The following MRPL3 variants were observed in gnomAD, a reference collection of about 807,000 sequenced individuals.
MRPL3 encodes the protein mitochondrial ribosomal protein L3.
A neutral mutation model predicts 44.3 loss-of-function variants in MRPL3; 43 were observed. That is an observed-to-expected ratio of 0.97 (90% confidence interval 0.76 to 1.25). MRPL3 has a LOEUF of 1.25. Ranked by LOEUF, MRPL3 falls within the 50% of genes most tolerant of loss-of-function variation. MRPL3 has a pLI of 0.00. For missense variants in MRPL3, 406 were observed against 427.6 expected (o/e 0.95, Z 0.45); for synonymous variants, 171 against 152.3 (o/e 1.12, Z -0.91).
intron 4 of MRPL3, among the ~76,000 whole-genome samples, chr3:131,493,764 C>T (rs1437676307): frequency 3.9e-5 from 6 of 152,032 alleles, no homozygotes; most frequent in Admixed American, 2.0e-4. Context: ...GCTCTGAGGA[C>T]GAACAAATCA....
At chr3:131,492,356 C>T (rs1020324051) in intron 4 of MRPL3, among the ~76,000 whole-genome samples, 5 of 152,064 alleles carry the variant, frequency 3.3e-5, no homozygotes, top group African/African-American at 9.7e-5. Flanking sequence ...GTTTCTATGT[C>T]AGCAGTACCC....
chr3:131,462,807 A>G lies in MRPL3; in HGVS notation c.963T>C (p.Pro321=). ...GKNLPFPTYF[P]DGDEEELPED... is the part of the protein sequence containing the mutation. ...CTGGCAGTTCCTCTTCATCTCCATCAGGAAAATATGTAGGGAATGGTAGAT... is the reference window on the plus strand; with the variant it reads ...CTGGCAGTTCCTCTTCATCTCCATCGGGAAAATATGTAGGGAATGGTAGAT... The change falls in exon 10 of 10, where the codon CCT becomes CCC. Residue 321 remains proline (P), a synonymous_variant. Transcript: ENST00000264995. 1 of 1,613,218 alleles carries G rather than the reference A, an allele frequency of 6.2e-7. No homozygotes were observed. The highest frequency in any genetic ancestry group is 2.2e-5 in the East Asian group (1 of 44,840).
rs541249976 is a variant in MRPL3 at position 131,464,932 on chromosome 3, C to A, written c.895-2057G>T. Among the ~76,000 whole-genome samples the A allele has an allele frequency of 2.0e-5, 3 of 152,276 alleles. No individual in the cohort carries two copies. In the East Asian group the frequency reaches 5.8e-4, roughly 29 times the overall value. ...CAAGGAAGGACTAATTTACCTGCTACGGAGTCACTGGAAGAACGTAAATAA... is the reference window on the plus strand; with the variant it reads ...CAAGGAAGGACTAATTTACCTGCTAAGGAGTCACTGGAAGAACGTAAATAA... On this transcript the variant is annotated intron_variant, in intron 9 of 9. Coordinates refer to ENST00000264995, the MANE Select transcript of MRPL3 (RefSeq NM_007208.4).
chr3:131,471,324 G>A (rs1360412116), intron 6 of MRPL3, 45 bp from the exon 7 acceptor site: 11 of 1,318,122 alleles, frequency 8.3e-6, no homozygotes, highest in Non-Finnish European at 1.2e-5. Flanking sequence ...AAAGAGCATA[G>A]ACCATTCCCA....
chr3:131,477,527 G>C (rs1933881059), intron 6 of MRPL3, among the ~76,000 whole-genome samples: 1 of 152,156 alleles, frequency 6.6e-6, no homozygotes, highest in Non-Finnish European at 1.5e-5. Flanking sequence ...AAGTTTTACG[G>C]AATATTCAGG....
chr3:131,486,350 G>C (rs550945941), intron 6 of MRPL3, among the ~76,000 whole-genome samples: 13 of 51,582 alleles, frequency 2.5e-4, no homozygotes, highest in African/African-American at 1.1e-3. Flanking sequence ...TTAAACCAAA[G>C]AGCTTCTGCA....
intron 6 of MRPL3, among the ~76,000 whole-genome samples, chr3:131,476,183 CTAGCTCTAGAATACATCATGTAGT>C (rs1230215626): frequency 6.6e-6 from 1 of 152,204 alleles, no homozygotes; most frequent in Non-Finnish European, 1.5e-5. Flanking sequence ...GCTTTTCAAT[CTAGCTCTAGAATACATCATGTAGT>C]TATACTCTGT....
chr3:131,469,416 T>G (rs1933691745), intron 8 of MRPL3, among the ~76,000 whole-genome samples: 1 of 152,092 alleles, frequency 6.6e-6, no homozygotes, highest in Non-Finnish European at 1.5e-5. Context: ...CAACAATATC[T>G]TGTAAAAATC....
At position 131,462,788 on chromosome 3, in the gene MRPL3, G is replaced by A. The variant is rs200927099; in HGVS notation, c.982C>T (p.Leu328=). The change falls in exon 10 of 10, where the codon CTG becomes TTG. Residue 328 remains leucine (L), a synonymous_variant. Transcript: ENST00000264995. ...TYFPDGDEEE[L]PEDLYDENVC... Reference sequence around the variant, plus strand: ...TTTTCATCATACAAATCTTCTGGCAGTTCCTCTTCATCTCCATCAGGAAAA... The same window carrying A: ...TTTTCATCATACAAATCTTCTGGCAATTCCTCTTCATCTCCATCAGGAAAA... The A allele has an allele frequency of 5.6e-5, 91 of 1,613,062 alleles. No individual in the cohort carries two copies. The highest frequency in any genetic ancestry group is 6.8e-5 in the Non-Finnish European group (80 of 1,179,456).
At chr3:131,481,533 G>A (rs921004069) in intron 6 of MRPL3, among the ~76,000 whole-genome samples, 1 of 152,174 alleles carries the variant, frequency 6.6e-6, no homozygotes, top group African/African-American at 2.4e-5. Flanking sequence ...CTAGGTCACA[G>A]AGCTACTGAA....
intron 6 of MRPL3, among the ~76,000 whole-genome samples, chr3:131,486,854 G>A (rs533148947): frequency 1.3e-5 from 2 of 152,290 alleles, no homozygotes; most frequent in East Asian, 3.9e-4. Context: ...CACTGTTGGT[G>A]GGAGTGTAAA....
chr3:131,479,146 A>G (rs778305081), intron 6 of MRPL3: 11 of 518,882 alleles, frequency 2.1e-5, no homozygotes, highest in Middle Eastern at 3.4e-4. Flanking sequence ...AGCTGGTTAG[A>G]GCTGGCAGGA....
At chr3:131,486,008 A>G (rs545093537) in intron 6 of MRPL3, among the ~76,000 whole-genome samples, 2 of 152,302 alleles carry the variant, frequency 1.3e-5, no homozygotes, top group South Asian at 4.2e-4. Flanking sequence ...ATCAAAAGAA[A>G]TGAAATTATC....
At chr3:131,498,877 T>G (rs1277276142) in intron 3 of MRPL3, among the ~76,000 whole-genome samples, 1 of 152,130 alleles carries the variant, frequency 6.6e-6, no homozygotes, top group Non-Finnish European at 1.5e-5. Context: ...GCAGGAGTTC[T>G]CAAAAGTATG....
At chr3:131,499,710 T>C (rs937234325) in intron 3 of MRPL3, among the ~76,000 whole-genome samples, 3 of 151,838 alleles carry the variant, frequency 2.0e-5, no homozygotes, top group Admixed American at 2.0e-4. Flanking sequence ...GGAGTGATGA[T>C]CTCTTACCAG....
chr3:131,481,916 A>G (rs1933996724), intron 6 of MRPL3, among the ~76,000 whole-genome samples: 1 of 152,234 alleles, frequency 6.6e-6, no homozygotes, highest in African/African-American at 2.4e-5. Flanking sequence ...AAGGCAGCAC[A>G]TACCTTGCTT....
chr3:131,489,863 TTAAAAG>T (rs1324268713), intron 5 of MRPL3, 112 bp downstream of exon 5: 1 of 602,530 alleles, frequency 1.7e-6, no homozygotes, highest in Non-Finnish European at 2.9e-6. Context: ...AGTTTTGTAT[TTAAAAG>T]TAAGTGTTTG....
chr3:131,498,404 C>A lies in MRPL3; in HGVS notation c.370-127G>T. On this transcript the variant is annotated intron_variant, in intron 3 of 9. Coordinates refer to ENST00000264995, the MANE Select transcript of MRPL3 (RefSeq NM_007208.4). ...GTTACTTACCTCATCTTTCCTCTAA[C>A]ACCAACCACAATCTTAAAAATATAA... is the stretch of plus-strand genomic sequence containing the variant. The A allele has an allele frequency of 1.8e-6, 1 of 567,984 alleles. No individual in the cohort carries two copies. The highest frequency in any genetic ancestry group is 2.5e-5 in the South Asian group (1 of 40,242). 35.2% of individuals were successfully genotyped at this position (567,984 alleles called of 1,614,324 possible). A position where few individuals can be genotyped will look rare whatever the true frequency, so the allele number is the denominator to read the frequency against.
At chr3:131,498,322 T>C (rs1186160591) in intron 3 of MRPL3, 45 bp from the exon 4 acceptor site, 13 of 1,279,816 alleles carry the variant, frequency 1.0e-5, no homozygotes, top group Non-Finnish European at 1.5e-5. Flanking sequence ...CCAATATATA[T>C]TTTAACATTA....
Sources: gnomAD v4.1 joint callset for allele counts (sites outside exome capture counted in the v4.1 genomes callset) on GRCh38, gnomAD v4.1.1 for gene constraint, MANE v1.5 for transcripts, NCBI Gene and HGNC (gene_info 2026-07-23, HGNC 2026-07-21) for gene names.